The following CNTLN variants were observed in gnomAD, a reference collection of about 807,000 sequenced individuals.
CNTLN encodes the protein centlein, centrosomal protein.
In CNTLN, 212 loss-of-function variants were observed where a neutral mutation model predicts 180.0. That is an observed-to-expected ratio of 1.18 (90% confidence interval 1.05 to 1.32). The LOEUF is 1.32. CNTLN is among the 40% of genes most tolerant of loss of function. The probability of loss-of-function intolerance (pLI) is 0.00; values close to 1 mark genes in which losing one functional copy is unlikely to be tolerated. For missense variants in CNTLN, 2,095 were observed against 1,610.9 expected, an observed-to-expected ratio of 1.30 and a Z score of -5.14; for synonymous variants, 722 against 563.1, an observed-to-expected ratio of 1.28 and a Z score of -3.99.
chr9:17,329,671 C>G (rs1279537885), intron 8 of CNTLN, among the ~76,000 whole-genome samples: 1 of 151,618 alleles, frequency 6.6e-6, no homozygotes, highest in East Asian at 1.9e-4. Flanking sequence ...AAGAAAAAAG[C>G]AGGCACAATT....
intron 6 of CNTLN, among the ~76,000 whole-genome samples, chr9:17,278,271 T>A (rs1003251887): frequency 6.6e-6 from 1 of 151,728 alleles, no homozygotes; most frequent in Admixed American, 6.6e-5. Context: ...ACTGGCCCAT[T>A]CTCAGTTACT....
intron 5 of CNTLN, among the ~76,000 whole-genome samples, chr9:17,265,921 TTC>T (rs201271346): frequency 0.025 from 3,763 of 152,214 alleles, 187 homozygotes; most frequent in East Asian, 0.24. Context: ...TATTTGATTC[TTC>T]TCTCTTTTTT....
At chr9:17,170,078 AG>A (rs1242775320) in intron 2 of CNTLN, among the ~76,000 whole-genome samples, 1 of 152,038 alleles carries the variant, frequency 6.6e-6, no homozygotes, top group African/African-American at 2.4e-5. Context: ...AATGTTTTAT[AG>A]TTTTCAGTTA....
intron 18 of CNTLN, among the ~76,000 whole-genome samples, chr9:17,440,157 C>A (rs1338571361): frequency 6.6e-6 from 1 of 152,082 alleles, no homozygotes; most frequent in Non-Finnish European, 1.5e-5. Flanking sequence ...AACCTTCATA[C>A]AATGCTATGG....
chr9:17,488,186 TAGTATC>T (rs1832983338), intron 25 of CNTLN, among the ~76,000 whole-genome samples: 1 of 152,160 alleles, frequency 6.6e-6, no homozygotes, highest in African/African-American at 2.4e-5. Context: ...CAATTCATGT[TAGTATC>T]AGTTTGATAT....
intron 2 of CNTLN, among the ~76,000 whole-genome samples, chr9:17,190,159 G>T (rs1410005685): frequency 6.7e-6 from 1 of 148,262 alleles, no homozygotes; most frequent in East Asian, 2.0e-4. Context: ...TCTCTATCTA[G>T]TAAGCCGGGG....
intron 23 of CNTLN, among the ~76,000 whole-genome samples, chr9:17,482,784 A>C (rs1832716514): frequency 6.6e-6 from 1 of 152,214 alleles, no homozygotes; most frequent in Non-Finnish European, 1.5e-5. Flanking sequence ...AAGTTCAGAC[A>C]CTGACAAACA....
chr9:17,140,260 A>G (rs924714842), intron 1 of CNTLN, among the ~76,000 whole-genome samples: 2 of 152,196 alleles, frequency 1.3e-5, no homozygotes, highest in African/African-American at 2.4e-5. Context: ...ACATAGTTCC[A>G]CAATCCATTT....
chr9:17,431,640 C>T (rs1829425309), intron 18 of CNTLN, among the ~76,000 whole-genome samples: 1 of 152,006 alleles, frequency 6.6e-6, no homozygotes, highest in Non-Finnish European at 1.5e-5. Flanking sequence ...AGTGTTTTTT[C>T]CCAGTGTTTC....
the CNTLN span, among the ~76,000 whole-genome samples, chr9:17,518,036 C>CTTTTTTTTTTTTTTTTTTTTTT: frequency 1.4e-5 from 1 of 69,230 alleles, no homozygotes; most frequent in Non-Finnish European, 2.4e-5. Context: ...TTTTCTTTTC[C>CTTTTTTTTTTTTTTTTTTTTTT]TTTTTTTTTT....
intron 2 of CNTLN, among the ~76,000 whole-genome samples, chr9:17,219,658 GTTA>G (rs1213979834): frequency 6.6e-6 from 1 of 152,002 alleles, no homozygotes; most frequent in Admixed American, 6.6e-5. Context: ...TGGGAAGTGT[GTTA>G]TTGTTATTTT....
chr9:17,463,302 C>T (rs1024669523), intron 20 of CNTLN, among the ~76,000 whole-genome samples: 4 of 151,354 alleles, frequency 2.6e-5, no homozygotes, highest in African/African-American at 4.8e-5. Context: ...AACTTTACAA[C>T]GTGGTGGTTA....
intron 25 of CNTLN, among the ~76,000 whole-genome samples, chr9:17,488,971 G>T (rs930203448): frequency 4.6e-5 from 7 of 152,056 alleles, no homozygotes; most frequent in Non-Finnish European, 1.0e-4. Context: ...GTGACAGTAT[G>T]ATAACATTTA....
intron 23 of CNTLN, among the ~76,000 whole-genome samples, chr9:17,469,482 T>C (rs1171550252): frequency 6.6e-6 from 1 of 151,816 alleles, no homozygotes; most frequent in African/African-American, 2.4e-5. Context: ...ATCATCTTTC[T>C]TGTCCTTGCA....
intron 2 of CNTLN, among the ~76,000 whole-genome samples, chr9:17,205,421 A>G (rs1822846304): frequency 6.6e-6 from 1 of 152,226 alleles, no homozygotes; most frequent in Non-Finnish European, 1.5e-5. Flanking sequence ...TGCTTACCAG[A>G]CTGGAAGATT....
chr9:17,494,764 C>A (rs887115144), intron 25 of CNTLN: 54 of 315,386 alleles, frequency 1.7e-4, no homozygotes, highest in South Asian at 1.3e-3. Flanking sequence ...GTAAACAAAC[C>A]TGCTGTGCTG....
At chr9:17,374,355 A>G (rs1231719938) in intron 13 of CNTLN, among the ~76,000 whole-genome samples, 2 of 152,228 alleles carry the variant, frequency 1.3e-5, no homozygotes, top group Admixed American at 1.3e-4. Context: ...GCAAATAGAT[A>G]TATGAAAATG....
rs147501129 is a variant in CNTLN, at chr9:17,140,653, G to A, written c.361-2635G>A. ...ATGGGGGTCTCACTATGTTGCCCAG[G>A]CCAGTCTCAAACTCCTGGGCTCAGA... On this transcript the variant is annotated intron_variant, in intron 1 of 25. Coordinates refer to ENST00000380647, the MANE Select transcript of CNTLN (RefSeq NM_017738.4). 1.7e-3 allele frequency among the ~76,000 whole-genome samples: 259 copies of A among 152,098 alleles called. 1 individual carries two copies. The highest frequency in any genetic ancestry group is 5.9e-3 in the African/African-American group (243 of 41,462).
chr9:17,222,726 A>G (rs1429955133), intron 2 of CNTLN, among the ~76,000 whole-genome samples: 2 of 151,966 alleles, frequency 1.3e-5, no homozygotes, highest in African/African-American at 2.4e-5. Flanking sequence ...TCCAACAGTC[A>G]TTTCTCAGTC....
Sources: gnomAD v4.1 joint callset for allele counts (sites outside exome capture counted in the v4.1 genomes callset) on GRCh38, gnomAD v4.1.1 for gene constraint, MANE v1.5 for transcripts, NCBI Gene and HGNC (gene_info 2026-07-23, HGNC 2026-07-21) for gene names.